Variants in NUP210L observed in about 807,000 individuals in gnomAD.
NUP210L encodes the protein nuclear pore membrane glycoprotein 210-like.
In NUP210L, 74 loss-of-function variants were observed where a neutral mutation model predicts 208.5. The observed-to-expected ratio is 0.35, with a 90% confidence interval of 0.29 to 0.43. NUP210L has a LOEUF of 0.43. Ranked by LOEUF, NUP210L falls within the 20% of genes least tolerant of loss-of-function variation. The pLI, the probability that NUP210L is intolerant of heterozygous loss-of-function variation, is 1.00. For missense variants in NUP210L, 1,843 were observed against 2,289.4 expected, an observed-to-expected ratio of 0.81 and a Z score of 3.98; for synonymous variants, 780 against 816.9, an observed-to-expected ratio of 0.95 and a Z score of 0.77.
chr1:154,042,717 C>T (rs1012726156), intron 27 of NUP210L, among the ~76,000 whole-genome samples: 11 of 145,252 alleles, frequency 7.6e-5, no homozygotes, highest in South Asian at 2.2e-4. Context: ...CGTGAGCCAC[C>T]GCGCCTGGCC....
At chr1:154,033,515 A>T (rs1219180918) in intron 27 of NUP210L, among the ~76,000 whole-genome samples, 1 of 152,132 alleles carries the variant, frequency 6.6e-6, no homozygotes, top group African/African-American at 2.4e-5. Context: ...TTTTTTCCGC[A>T]ATGTGTATTC....
chr1:154,016,150 G>A (rs1019036964), intron 33 of NUP210L, among the ~76,000 whole-genome samples: 4 of 151,894 alleles, frequency 2.6e-5, no homozygotes, highest in Non-Finnish European at 4.4e-5. Flanking sequence ...CTGCTACTTT[G>A]GAGGCTGAGG....
intron 5 of NUP210L, among the ~76,000 whole-genome samples, 188 bp downstream of exon 5, chr1:154,139,614 A>G (rs1353030369): frequency 6.6e-6 from 1 of 151,730 alleles, no homozygotes; most frequent in Non-Finnish European, 1.5e-5. Flanking sequence ...AGACTGCTTG[A>G]GCTCAGAAGT....
rs769939327 is a variant in NUP210L at position 154,106,170 on chromosome 1, G to A, written c.1621-1960C>T. Among the ~76,000 whole-genome samples the A allele has an allele frequency of 2.2e-4, 33 of 151,954 alleles. 1 individual carries two copies. Among genetic ancestry groups the A allele is most frequent in the Non-Finnish European group, 4.6e-4 (31 of 67,994 alleles). ...CAGCTACTCGGAAGGCTGAGGCAAG[G>A]GAATCGCTCGAACCCAGGAGGCAGA... is the stretch of plus-strand genomic sequence containing the variant. On this transcript the variant is annotated intron_variant, in intron 12 of 39. Transcript: ENST00000368559.
chr1:154,049,281 G>T (rs1653359865), intron 25 of NUP210L, among the ~76,000 whole-genome samples: 1 of 152,174 alleles, frequency 6.6e-6, no homozygotes, highest in Non-Finnish European at 1.5e-5. Context: ...ATGGAGAAGA[G>T]ATTTATTACA....
At chr1:154,037,514 G>T (rs1485298261) in intron 27 of NUP210L, among the ~76,000 whole-genome samples, 3 of 151,584 alleles carry the variant, frequency 2.0e-5, no homozygotes, top group African/African-American at 7.3e-5. Flanking sequence ...CTCTTTTTTG[G>T]TGCCCATTAA....
intron 36 of NUP210L, among the ~76,000 whole-genome samples, 164 bp downstream of exon 36, chr1:154,001,571 C>G (rs938558769): frequency 2.0e-5 from 3 of 152,138 alleles, no homozygotes; most frequent in African/African-American, 7.2e-5. Context: ...GGGAGCCTGC[C>G]TGGCATTATG....
intron 31 of NUP210L, among the ~76,000 whole-genome samples, chr1:154,022,762 C>T (rs1651639395): frequency 6.7e-6 from 1 of 149,610 alleles, no homozygotes; most frequent in Non-Finnish European, 1.5e-5. Context: ...ACTGCAACCT[C>T]TGCCTCCTGG....
chr1:154,012,722 T>C (rs1650996948), intron 33 of NUP210L, among the ~76,000 whole-genome samples: 1 of 151,464 alleles, frequency 6.6e-6, no homozygotes, highest in African/African-American at 2.4e-5. Context: ...AAAGACGGGG[T>C]CAGCCGCGCG....
intron 16 of NUP210L, among the ~76,000 whole-genome samples, chr1:154,075,808 G>A (rs1337050718): frequency 6.7e-6 from 1 of 148,362 alleles, no homozygotes; most frequent in Non-Finnish European, 1.5e-5. Flanking sequence ...TTCCTTTTTT[G>A]AGATGGAGTC....
intron 27 of NUP210L, 80 bp from the exon 28 acceptor site, chr1:154,030,134 TA>T: frequency 9.9e-7 from 1 of 1,014,798 alleles, no homozygotes. Context: ...TTTTTAATAT[TA>T]AATTTTTTTT....
At chr1:154,131,991 G>A (rs1360778218) in intron 7 of NUP210L, among the ~76,000 whole-genome samples, 1 of 152,002 alleles carries the variant, frequency 6.6e-6, no homozygotes, top group Non-Finnish European at 1.5e-5. Flanking sequence ...TATATTATTA[G>A]TAGAGATGGG....
intron 29 of NUP210L, 71 bp from the exon 30 acceptor site, chr1:154,025,787 T>G (rs1651845296): frequency 1.4e-6 from 2 of 1,400,668 alleles, no homozygotes; most frequent in Admixed American, 2.0e-5. Flanking sequence ...AGTAAAAATT[T>G]CCAGGATTAC....
chr1:154,125,294 A>T (rs567234156), intron 10 of NUP210L, among the ~76,000 whole-genome samples: 16 of 152,008 alleles, frequency 1.1e-4, no homozygotes, highest in Admixed American at 6.6e-5. Context: ...TACTAAAAAT[A>T]CAAAAATTTG....
At chr1:154,127,452 A>C in intron 8 of NUP210L, 35 bp from the exon 9 acceptor site, 1 of 1,016,240 alleles carries the variant, frequency 9.8e-7, no homozygotes. Flanking sequence ...ATATTAGAAG[A>C]GGCTAACATT....
chr1:154,078,299 T>C (rs1655145290), intron 16 of NUP210L, among the ~76,000 whole-genome samples: 1 of 149,586 alleles, frequency 6.7e-6, no homozygotes, highest in Non-Finnish European at 1.5e-5. Flanking sequence ...GAAGATCCTA[T>C]CTCCAAAAAA....
intron 29 of NUP210L, among the ~76,000 whole-genome samples, chr1:154,026,190 A>G (rs1034222209): frequency 9.9e-5 from 15 of 152,014 alleles, no homozygotes; most frequent in African/African-American, 3.4e-4. Context: ...AGCCGAGATG[A>G]CACCATTTGC....
intron 19 of NUP210L, 45 bp downstream of exon 19, chr1:154,060,897 C>T (rs746232075): frequency 2.4e-6 from 3 of 1,267,048 alleles, no homozygotes; most frequent in Non-Finnish European, 3.4e-6. Flanking sequence ...TTAATAACTT[C>T]CCCTCCAATA....
At chr1:154,014,374 T>C (rs1010675467) in intron 33 of NUP210L, among the ~76,000 whole-genome samples, 12 of 152,170 alleles carry the variant, frequency 7.9e-5, no homozygotes, top group Non-Finnish European at 1.5e-4. Flanking sequence ...CTTTGCCTTC[T>C]ATGACACTGT....
Sources: allele counts gnomAD v4.1 joint callset (sites outside exome capture counted in the v4.1 genomes callset), GRCh38; gene constraint gnomAD v4.1.1; transcripts MANE v1.5; gene names NCBI Gene and HGNC (gene_info 2026-07-23, HGNC 2026-07-21).